The following RBFOX1 variants were observed in gnomAD, a reference collection of about 807,000 sequenced individuals.
RBFOX1 encodes the protein RNA binding fox-1 homolog 1, also known as RNA binding protein fox-1 homolog 1.
A neutral mutation model predicts 57.7 loss-of-function variants in RBFOX1; 8 were observed. The ratio of observed to expected loss-of-function variants is 0.14; its 90% CI spans 0.08 to 0.25. The LOEUF is 0.25. RBFOX1 is among the 10% of genes least tolerant of loss of function. The probability of loss-of-function intolerance (pLI) is 1.00; values close to 1 mark genes in which losing one functional copy is unlikely to be tolerated. For synonymous variants in RBFOX1, 326 were observed against 222.4 expected, an observed-to-expected ratio of 1.47 and a Z score of -4.15; for missense variants, 611 against 548.5, an observed-to-expected ratio of 1.11 and a Z score of -1.14.
intron 4 of RBFOX1, among the ~76,000 whole-genome samples, chr16:7,343,534 A>G (rs376172113): frequency 6.6e-6 from 1 of 152,316 alleles, no homozygotes; most frequent in South Asian, 2.1e-4. Context: ...TACTTCCGTC[A>G]TATTCTTGGA....
intron 1 of RBFOX1, among the ~76,000 whole-genome samples, chr16:5,347,819 C>T (rs1393905338): frequency 6.7e-6 from 1 of 148,686 alleles, no homozygotes; most frequent in African/African-American, 2.5e-5. Flanking sequence ...ATCATGCACT[C>T]ACCCACCCTT....
At chr16:5,244,671 G>A (rs1457524289) in intron 1 of RBFOX1, among the ~76,000 whole-genome samples, 2 of 152,242 alleles carry the variant, frequency 1.3e-5, no homozygotes, top group Admixed American at 6.5e-5. Flanking sequence ...CTGCTGTGGC[G>A]CTCTTGTAAT....
chr16:5,568,434 C>G (rs2046149441), intron 2 of RBFOX1, among the ~76,000 whole-genome samples: 2 of 152,180 alleles, frequency 1.3e-5, no homozygotes, highest in Non-Finnish European at 2.9e-5. Flanking sequence ...CCTCAAAGCC[C>G]CTTCTCTTTC....
rs527376648 is a variant in RBFOX1, at chr16:6,854,115, C to A, written c.-15-197942C>A. Among the ~76,000 whole-genome samples, 3 of 152,252 alleles carry A rather than the reference C, an allele frequency of 2.0e-5. No homozygotes were observed. The South Asian group carries it at 6.2e-4, about 32-fold the overall frequency. On this transcript the variant is annotated intron_variant, in intron 3 of 15. Transcript: ENST00000550418. ...TGATAATGTTTTCTTTTACAAAACT[C>A]CATTGCTCTGTATTGTAAAAGCAAC...
In RBFOX1 at chr16:6,996,852, C is replaced by G. The variant is rs568496128; in HGVS notation, c.-15-55205C>G. On this transcript the variant is annotated intron_variant, in intron 3 of 15. Transcript: ENST00000550418. Reference sequence around the variant, plus strand: ...CATTGCTAGTTTGCTGAATGGGACACAGAGGCTGAAAGAATAACACATCTG... The same window carrying G: ...CATTGCTAGTTTGCTGAATGGGACAGAGAGGCTGAAAGAATAACACATCTG... Among the ~76,000 whole-genome samples the G allele has an allele frequency of 3.6e-3, 549 of 152,148 alleles. 8 individuals carry two copies. The highest frequency in any genetic ancestry group is 2.5e-3 in the Non-Finnish European group (169 of 67,998).
intron 4 of RBFOX1, among the ~76,000 whole-genome samples, chr16:7,449,904 A>G (rs1168853625): frequency 2.6e-5 from 4 of 152,108 alleles, no homozygotes; most frequent in African/African-American, 4.8e-5. Context: ...AAGGGACACT[A>G]TGAAACATAT....
intron 1 of RBFOX1, among the ~76,000 whole-genome samples, chr16:6,187,120 G>A (rs190099481): frequency 7.9e-5 from 12 of 152,226 alleles, no homozygotes; most frequent in South Asian, 4.1e-4. Context: ...CACTTTTATC[G>A]TAGATGTATA....
At chr16:7,273,902 C>A (rs1228466168) in intron 4 of RBFOX1, among the ~76,000 whole-genome samples, 1 of 152,152 alleles carries the variant, frequency 6.6e-6, no homozygotes, top group Non-Finnish European at 1.5e-5. Flanking sequence ...GTAATTCTCT[C>A]AGTTGTCATT....
At chr16:7,450,778 C>T (rs897705865) in intron 4 of RBFOX1, among the ~76,000 whole-genome samples, 1 of 151,940 alleles carries the variant, frequency 6.6e-6, no homozygotes, top group African/African-American at 2.4e-5. Context: ...AACCAGTGAC[C>T]CCAGTAGACA....
intron 3 of RBFOX1, among the ~76,000 whole-genome samples, chr16:6,810,025 AC>A (rs1246753459): frequency 7.8e-6 from 1 of 128,554 alleles, no homozygotes; most frequent in Admixed American, 7.9e-5. Context: ...CTTCTCTCTC[AC>A]CTTTTTTTTT....
intron 2 of RBFOX1, among the ~76,000 whole-genome samples, chr16:6,364,978 G>A (rs910067861): frequency 2.0e-5 from 3 of 152,232 alleles, no homozygotes; most frequent in African/African-American, 7.2e-5. Context: ...ATATCAATAT[G>A]GGCATATGAC....
At chr16:6,960,675 G>A (rs562270468) in intron 3 of RBFOX1, among the ~76,000 whole-genome samples, 40 of 151,990 alleles carry the variant, frequency 2.6e-4, no homozygotes, top group Admixed American at 7.9e-4. Flanking sequence ...ACTCTTGCAG[G>A]ACCAGCATCT....
chr16:6,753,494 C>T (rs1164759054), intron 3 of RBFOX1, among the ~76,000 whole-genome samples: 1 of 152,120 alleles, frequency 6.6e-6, no homozygotes, highest in Non-Finnish European at 1.5e-5. Flanking sequence ...CCAGTGTCCC[C>T]CTTTCATCTC....
chr16:6,774,555 C>A (rs1166391745), intron 3 of RBFOX1, among the ~76,000 whole-genome samples: 1 of 152,128 alleles, frequency 6.6e-6, no homozygotes, highest in Non-Finnish European at 1.5e-5. Context: ...AGGGAAGAAG[C>A]AGCTAATGAT....
At chr16:6,817,798 A>T (rs2090425779) in intron 3 of RBFOX1, among the ~76,000 whole-genome samples, 2 of 152,138 alleles carry the variant, frequency 1.3e-5, no homozygotes, top group Non-Finnish European at 2.9e-5. Flanking sequence ...TTCTGACAAA[A>T]ACCTTATTAA....
At chr16:6,664,974 TC>T (rs1288947468) in intron 3 of RBFOX1, among the ~76,000 whole-genome samples, 1 of 152,160 alleles carries the variant, frequency 6.6e-6, no homozygotes, top group East Asian at 1.9e-4. Context: ...CATGCACTGT[TC>T]TTGTGTGCCG....
intron 5 of RBFOX1, among the ~76,000 whole-genome samples, chr16:7,519,132 G>A (rs929825941): frequency 6.6e-6 from 1 of 152,148 alleles, no homozygotes; most frequent in Non-Finnish European, 1.5e-5. Flanking sequence ...GGAGTTGTGC[G>A]ATGATTGCCG....
At chr16:6,714,352 T>A (rs1229162565) in intron 3 of RBFOX1, among the ~76,000 whole-genome samples, 1 of 152,152 alleles carries the variant, frequency 6.6e-6, no homozygotes, top group African/African-American at 2.4e-5. Flanking sequence ...ACACTAGTGT[T>A]CATGGTGGTG....
intron 2 of RBFOX1, among the ~76,000 whole-genome samples, chr16:6,615,039 G>T (rs1166652077): frequency 6.6e-6 from 1 of 152,190 alleles, no homozygotes; most frequent in Non-Finnish European, 1.5e-5. Context: ...TGCATAAGAT[G>T]ATCTGTGAGC....
Sources: gnomAD v4.1 joint callset for allele counts (sites outside exome capture counted in the v4.1 genomes callset) on GRCh38, gnomAD v4.1.1 for gene constraint, MANE v1.5 for transcripts, NCBI Gene and HGNC (gene_info 2026-07-23, HGNC 2026-07-21) for gene names.